Variants in SV2C observed in about 807,000 individuals in gnomAD.
SV2C encodes the protein solute carrier family 22 member B3.
A neutral mutation model predicts 79.7 loss-of-function variants in SV2C; 49 were observed. The observed-to-expected ratio is 0.61, with a 90% confidence interval of 0.49 to 0.78. The LOEUF is 0.78. Among genes scored for constraint, SV2C ranks in the 30% least tolerant of loss-of-function variants. The pLI, the probability that SV2C is intolerant of heterozygous loss-of-function variation, is 0.00. For missense variants in SV2C, 833 were observed against 912.9 expected, an observed-to-expected ratio of 0.91 and a Z score of 1.13; for synonymous variants, 334 against 333.2, an observed-to-expected ratio of 1.00 and a Z score of -0.03.
chr5:76,227,934 G>A (rs1469832253), intron 4 of SV2C, among the ~76,000 whole-genome samples: 2 of 152,152 alleles, frequency 1.3e-5, no homozygotes, highest in African/African-American at 2.4e-5. Context: ...GAGCTTACAC[G>A]CGGGCCAGCA....
the SV2C span, among the ~76,000 whole-genome samples, chr5:75,881,169 C>T: frequency 1.3e-5 from 2 of 152,100 alleles, no homozygotes; most frequent in African/African-American, 4.8e-5. Context: ...GGCCCCATAT[C>T]CAAAACTGGG....
chr5:76,038,091 G>A, the SV2C span, among the ~76,000 whole-genome samples: 2 of 152,236 alleles, frequency 1.3e-5, no homozygotes, highest in Non-Finnish European at 1.5e-5. Context: ...ATGCCTTGCC[G>A]TGCTTCGGCT....
intron 1 of SV2C, among the ~76,000 whole-genome samples, chr5:76,109,977 T>G (rs1347633603): frequency 7.9e-5 from 12 of 152,216 alleles, no homozygotes; most frequent in Admixed American, 7.2e-4. Context: ...ACTCTGATTT[T>G]CCATAGAAAT....
the SV2C span, among the ~76,000 whole-genome samples, chr5:75,852,621 T>C: frequency 6.6e-6 from 1 of 152,050 alleles, no homozygotes; most frequent in Non-Finnish European, 1.5e-5. Context: ...GAGAGAATAT[T>C]TCGTCTATAG....
the SV2C span, among the ~76,000 whole-genome samples, chr5:75,871,451 T>C: frequency 0.12 from 18,955 of 152,094 alleles, 1,393 homozygotes; most frequent in African/African-American, 0.22. Context: ...TAAGACTGTT[T>C]ATGTAGAAAG....
chr5:76,077,928 A>G, the SV2C span, among the ~76,000 whole-genome samples: 11 of 152,170 alleles, frequency 7.2e-5, no homozygotes, highest in Non-Finnish European at 1.5e-4. Context: ...AGGTCCAAGG[A>G]TTGTACTGGT....
the SV2C span, among the ~76,000 whole-genome samples, chr5:76,027,532 A>C: frequency 6.6e-6 from 1 of 152,338 alleles, no homozygotes; most frequent in South Asian, 2.1e-4. Flanking sequence ...TCTTGAAAAC[A>C]GGTCATGCTA....
At chr5:76,159,347 T>C (rs1397083800) in intron 2 of SV2C, among the ~76,000 whole-genome samples, 1 of 152,062 alleles carries the variant, frequency 6.6e-6, no homozygotes, top group East Asian at 1.9e-4. Flanking sequence ...GTATCTCTAT[T>C]TGCAAGTAAC....
At chr5:76,192,546 A>G (rs1744136253) in intron 2 of SV2C, among the ~76,000 whole-genome samples, 1 of 152,222 alleles carries the variant, frequency 6.6e-6, no homozygotes, top group African/African-American at 2.4e-5. Flanking sequence ...CACTGTGAAT[A>G]TAGAAAGGAA....
intron 2 of SV2C, among the ~76,000 whole-genome samples, chr5:76,178,805 G>T (rs549115919): frequency 1.3e-5 from 2 of 152,172 alleles, no homozygotes; most frequent in Non-Finnish European, 2.9e-5. Context: ...TAGACAAAAG[G>T]TCTCAAGTAT....
chr5:76,338,824 A>G (rs1218991331), downstream of SV2C, among the ~76,000 whole-genome samples: 1 of 151,608 alleles, frequency 6.6e-6, no homozygotes, highest in Non-Finnish European at 1.5e-5. Flanking sequence ...TGCTTGGCTA[A>G]TTTTTATATT....
At chr5:76,100,522 A>T (rs1041439635) in intron 1 of SV2C, among the ~76,000 whole-genome samples, 6 of 152,232 alleles carry the variant, frequency 3.9e-5, no homozygotes, top group African/African-American at 1.4e-4. Context: ...ACATTAGGAG[A>T]TAACTGAAAT....
intron 2 of SV2C, among the ~76,000 whole-genome samples, chr5:76,191,517 T>C (rs1744102984): frequency 6.6e-6 from 1 of 152,224 alleles, no homozygotes; most frequent in Non-Finnish European, 1.5e-5. Flanking sequence ...TTCCTAAAGT[T>C]GTTCTGTTTT....
intron 4 of SV2C, among the ~76,000 whole-genome samples, chr5:76,244,804 C>T (rs1198057129): frequency 1.3e-5 from 2 of 152,204 alleles, no homozygotes; most frequent in Non-Finnish European, 2.9e-5. Context: ...TTCTCAGTCA[C>T]ACTAGCCATG....
At chr5:75,867,973 G>C in the SV2C span, among the ~76,000 whole-genome samples, 2 of 152,208 alleles carry the variant, frequency 1.3e-5, no homozygotes, top group Non-Finnish European at 1.5e-5. Flanking sequence ...TCTGTTGGGA[G>C]AGATAAAGAT....
intron 4 of SV2C, among the ~76,000 whole-genome samples, chr5:76,270,345 T>G (rs916288314): frequency 1.5e-4 from 23 of 152,184 alleles, no homozygotes; most frequent in Non-Finnish European, 2.5e-4. Flanking sequence ...AAAAATGCAT[T>G]CATTGCTTTG....
At chr5:76,011,167 A>G in the SV2C span, among the ~76,000 whole-genome samples, 2 of 152,298 alleles carry the variant, frequency 1.3e-5, no homozygotes, top group East Asian at 3.9e-4. Context: ...ATGTAGATAC[A>G]CCAAGTTTTA....
intron 1 of SV2C, among the ~76,000 whole-genome samples, chr5:76,123,416 C>G (rs1029645374): frequency 1.3e-5 from 2 of 152,148 alleles, no homozygotes; most frequent in Admixed American, 6.5e-5. Context: ...CTAGCAGAGA[C>G]ACAACCAAAA....
At chr5:76,187,764 A>T (rs1039707730) in intron 2 of SV2C, among the ~76,000 whole-genome samples, 33 of 151,404 alleles carry the variant, frequency 2.2e-4, no homozygotes, top group East Asian at 1.2e-3. Context: ...AAAAAAAAAA[A>T]ATATGTCTTA....
Sources: allele counts gnomAD v4.1 joint callset (sites outside exome capture counted in the v4.1 genomes callset), GRCh38; gene constraint gnomAD v4.1.1; transcripts MANE v1.5; gene names NCBI Gene and HGNC (gene_info 2026-07-23, HGNC 2026-07-21).